Variants in CEP250 observed in about 807,000 individuals in gnomAD.
CEP250 encodes the protein centrosome-associated protein CEP250.
A neutral mutation model predicts 315.7 loss-of-function variants in CEP250; 242 were observed. The observed-to-expected ratio is 0.77, with a 90% CI of 0.69 to 0.85. CEP250 has a LOEUF of 0.85. CEP250 is among the 40% of genes least tolerant of loss of function. The pLI is 0.00. For missense variants in CEP250, 2,515 were observed against 2,886.4 expected (o/e 0.87, Z 2.95); for synonymous variants, 1,088 against 1,175.0 (o/e 0.93, Z 1.51).
intron 17 of CEP250, 83 bp downstream of exon 17, chr20:35,478,184 G>A: frequency 2.2e-6 from 2 of 915,808 alleles, no homozygotes; most frequent in Admixed American, 2.7e-5. Context: ...GAAATTATCT[G>A]GAAAGTGAAA....
intron 20 of CEP250, among the ~76,000 whole-genome samples, chr20:35,486,143 T>G (rs1405996956): frequency 1.3e-5 from 2 of 151,424 alleles, no homozygotes; most frequent in Non-Finnish European, 2.9e-5. Context: ...GCCTCCCAAG[T>G]AGCTGGGATT....
At position 35,503,622 on chromosome 20, in the gene CEP250, C is replaced by G. The variant is rs373046815; in HGVS notation, c.5253C>G (p.Leu1751=). The part of the protein sequence containing the change: ...QQEHIHELQE[L]KDQLEQQLQG... The stretch of plus-strand genomic sequence containing the variant: ...AGCATATCCATGAACTCCAGGAGCT[C>G]AAAGACCAGCTGGAGCAGCAGCTCC... Residue 1751 remains leucine, a synonymous_variant, in exon 30 of 35, where the codon CTC becomes CTG. Coordinates refer to ENST00000397527, the MANE Select transcript of CEP250 (RefSeq NM_007186.6). This position sits in a 1 kb window ranked among gnomAD's most constrained non-coding sequence, Gnocchi z 4.2. 13 of 1,613,932 alleles carry G rather than the reference C, an allele frequency of 8.1e-6. No homozygotes were observed. In the African/African-American group the frequency reaches 1.7e-4, roughly 22 times the overall value.
intron 20 of CEP250, among the ~76,000 whole-genome samples, chr20:35,482,555 T>A (rs224368): frequency 0.64 from 97,339 of 151,210 alleles, 34,067 homozygotes; most frequent in East Asian, 0.8. Context: ...TTTTTTATAT[T>A]TTTTTTTATT....
Position 35,516,915 on chromosome 20 carries a change from G to T in CEP250, c.*5289G>T, listed in dbSNP as rs551060209. 11 of 933,456 alleles carry T rather than the reference G, an allele frequency of 1.2e-5. No individual in the cohort carries two copies. The African/African-American group carries it at 2.0e-4, about 17-fold the overall frequency. The allele number at this position is 933,456 out of a possible 1,614,324, so 57.8% of individuals were successfully genotyped here. A position where few individuals can be genotyped will look rare whatever the true frequency, so the allele number is the denominator to read the frequency against. ...AGGTTAGACCTCTGAGCAGACGGCA[G>T]AAACGTCAGCCACAGGTGAGCATAA... On this transcript the variant is annotated 3_prime_UTR_variant, in exon 35 of 35. Coordinates refer to ENST00000397527, the MANE Select transcript of CEP250 (RefSeq NM_007186.6).
rs1261353881 is a variant in CEP250, at chr20:35,467,324, C to A, written c.620C>A (p.Ala207Asp). The A allele has an allele frequency of 1.2e-6, 2 of 1,613,630 alleles. No homozygotes were observed. Among genetic ancestry groups the A allele is most frequent in the African/African-American group, 1.3e-5 (1 of 74,910 alleles). The change falls in exon 9 of 35, where the codon GCT becomes GAT. Residue 207 changes from alanine to aspartate, a missense_variant. Ala to Asp is a moderately radical substitution (Grantham distance 126). Transcript: ENST00000397527. ...ATDRDLMELK[A>D]EHVRLSGSLL... ...CTCAGAGATCTGATGGAGCTAAAAGCTGAGCATGTGAGGCTTTCAGGGTCT... is the reference window on the plus strand; with the variant it reads ...CTCAGAGATCTGATGGAGCTAAAAGATGAGCATGTGAGGCTTTCAGGGTCT...
intron 20 of CEP250, among the ~76,000 whole-genome samples, chr20:35,481,943 A>G (rs553689898): frequency 6.6e-6 from 1 of 152,024 alleles, no homozygotes; most frequent in Admixed American, 6.6e-5. Context: ...CAAGCGATCC[A>G]CCCGCCCTTG....
rs1448156231 is a variant in CEP250 at position 35,466,125 on chromosome 20, T to A, written c.413T>A (p.Val138Glu). The A allele has an allele frequency of 1.9e-6, 3 of 1,613,744 alleles. No homozygotes were observed. In the East Asian group the frequency reaches 6.7e-5, roughly 36 times the overall value. ...GTGAATAAAGCCCTTAGGGAAGATG[T>A]GGAAAAACTGACAGTGGACTGGAGC... Reference protein sequence around the residue: ...DVVNKALREDVEKLTVDWSRA... With the variant: ...DVVNKALREDEEKLTVDWSRA... The change falls in exon 7 of 35, where the codon GTG becomes GAG. Residue 138 changes from valine (V) to glutamate (E), a missense_variant. Physicochemically the swap from Val to Glu is moderately radical, Grantham distance 121. Transcript: ENST00000397527.
rs1207787419 is a variant in CEP250 at position 35,467,315 on chromosome 20, A to C, written c.611A>C (p.Glu204Ala). Reference sequence around the variant, plus strand: ...TTGCTTGTACTCAGAGATCTGATGGAGCTAAAAGCTGAGCATGTGAGGCTT... The same window carrying C: ...TTGCTTGTACTCAGAGATCTGATGGCGCTAAAAGCTGAGCATGTGAGGCTT... Reference protein sequence around the residue: ...MKSATDRDLMELKAEHVRLSG... With the variant: ...MKSATDRDLMALKAEHVRLSG... Residue 204 changes from glutamate to alanine, a missense_variant, in exon 9 of 35, where the codon GAG becomes GCG. Physicochemically the swap from Glu to Ala is moderately radical, Grantham distance 107 (BLOSUM62 -1). Coordinates refer to ENST00000397527, the MANE Select transcript of CEP250 (RefSeq NM_007186.6). The C allele has an allele frequency of 6.2e-7, 1 of 1,612,834 alleles. No homozygotes were observed. The highest frequency in any genetic ancestry group is 1.1e-5 in the South Asian group (1 of 91,056).
At chr20:35,508,239 G>C (rs1389134667) in intron 32 of CEP250, 49 bp downstream of exon 32, 14 of 1,601,596 alleles carry the variant, frequency 8.7e-6, no homozygotes, top group Non-Finnish European at 1.1e-5. Context: ...TTCTCGTGTG[G>C]TCCCTAGAGC....
Position 35,470,131 on chromosome 20 carries a change from A to G in CEP250, c.948+145A>G, listed in dbSNP as rs1042240624. 6 of 634,640 alleles carry G rather than the reference A, an allele frequency of 9.5e-6. No individual in the cohort carries two copies. The African/African-American group carries it at 1.1e-4, about 12-fold the overall frequency. 39.3% of individuals were successfully genotyped at this position (634,640 alleles called of 1,614,324 possible). ...AAAATAAATTTTGGCTGAATCTGAA[A>G]ATTAATTAACTCATTCATTTATTCA... On this transcript the variant is annotated intron_variant, in intron 10 of 34. Transcript: ENST00000397527.
intron 1 of CEP250, among the ~76,000 whole-genome samples, chr20:35,457,566 T>C (rs1490349114): frequency 6.6e-6 from 1 of 152,018 alleles, no homozygotes; most frequent in Non-Finnish European, 1.5e-5. Context: ...TCTCCCTGTG[T>C]TGCCCAGGCT....
rs1366616554 is a variant in CEP250, at chr20:35,502,595, G to T, written c.4226G>T (p.Gly1409Val). 6.2e-7 allele frequency: 1 copy of T among 1,614,242 alleles called. No individual in the cohort carries two copies. Among genetic ancestry groups the T allele is most frequent in the South Asian group, 1.1e-5 (1 of 91,086 alleles). ...RERAQALQEQGELKVAQGKAL... is the reference protein window; with the variant it reads ...RERAQALQEQVELKVAQGKAL... ...AGAGCCCAGGCTCTGCAAGAGCAGGGCGAACTGAAGGTGGCCCAAGGGAAG... is the reference window on the plus strand; with the variant it reads ...AGAGCCCAGGCTCTGCAAGAGCAGGTCGAACTGAAGGTGGCCCAAGGGAAG... The change falls in exon 30 of 35, where the codon GGC becomes GTC. Residue 1409 changes from glycine (G) to valine (V), a missense_variant. Coordinates refer to ENST00000397527, the MANE Select transcript of CEP250 (RefSeq NM_007186.6).
chr20:35,474,861 T>G, intron 14 of CEP250: 1 of 470,966 alleles, frequency 2.1e-6, no homozygotes, highest in Non-Finnish European at 4.4e-6. Flanking sequence ...TGGTAGGTCT[T>G]TAATAACTGG....
chr20:35,498,064 C>G lies in CEP250; in HGVS notation c.3652C>G (p.Pro1218Ala). The G allele has an allele frequency of 6.4e-7, 1 of 1,559,686 alleles. No homozygotes were observed. The highest frequency in any genetic ancestry group is 8.7e-7 in the Non-Finnish European group (1 of 1,151,148). Residue 1218 changes from proline to alanine, a missense_variant, in exon 26 of 35, where the codon CCA becomes GCA. By Grantham distance (27) the Pro-to-Ala change is conservative. Coordinates refer to ENST00000397527, the MANE Select transcript of CEP250 (RefSeq NM_007186.6). The part of the protein sequence containing the change: ...DSAPSVWGLE[P>A]DQNGARSLFK... ...TGCTCCTTCCGTCTGGGGCCTTGAG[C>G]CAGGTGAGACAGCCTCCCCAGAACT...
chr20:35,501,527 C>G (rs747676115), intron 28 of CEP250, among the ~76,000 whole-genome samples: 1 of 152,074 alleles, frequency 6.6e-6, no homozygotes. Context: ...AAGGAACCTC[C>G]AGTGTCATCT....
At chr20:35,490,959 C>T (rs2063672267) in intron 21 of CEP250, 155 bp downstream of exon 21, 7 of 881,776 alleles carry the variant, frequency 7.9e-6, no homozygotes, top group Non-Finnish European at 1.2e-5. Context: ...TGGTCCGCAC[C>T]ATTAGCCACA....
Position 35,514,223 on chromosome 20 carries a change from C to T in CEP250, c.*2597C>T, listed in dbSNP as rs1358551031. The T allele has an allele frequency of 6.6e-6, 1 of 152,262 alleles. No individual in the cohort carries two copies. Among genetic ancestry groups the T allele is most frequent in the Admixed American group, 6.5e-5 (1 of 15,290 alleles). The allele number at this position is 152,262 out of a possible 1,614,324, so 9.4% of individuals were successfully genotyped here. On this transcript the variant is annotated 3_prime_UTR_variant, in exon 35 of 35. Transcript: ENST00000397527. ...CCTTGTCACATGTGGCAGGGTATAA[C>T]CAGAATGGTGAATCCAGCAGACGGG...
Position 35,484,113 on chromosome 20 carries a change from G to A in CEP250, c.2586+3968G>A, listed in dbSNP as rs557819087. ...GTTGTTTCTGTTGGCTCTTACTCATGGGCTTGTTTCCCTGTGTTTTTGTGA... is the reference window on the plus strand; with the variant it reads ...GTTGTTTCTGTTGGCTCTTACTCATAGGCTTGTTTCCCTGTGTTTTTGTGA... On this transcript the variant is annotated intron_variant, in intron 20 of 34. Coordinates refer to ENST00000397527, the MANE Select transcript of CEP250 (RefSeq NM_007186.6). Among the ~76,000 whole-genome samples the A allele has an allele frequency of 1.6e-4, 25 of 151,806 alleles. No homozygotes were observed. In the South Asian group the frequency reaches 2.9e-3, roughly 18 times the overall value.
chr20:35,458,995 G>A (rs1330543677), intron 2 of CEP250, among the ~76,000 whole-genome samples: 1 of 25,246 alleles, frequency 4.0e-5, no homozygotes, highest in Non-Finnish European at 6.1e-5. Flanking sequence ...TTTTTTTTTT[G>A]AGATGGAGCC....
Sources: allele counts gnomAD v4.1 joint callset (sites outside exome capture counted in the v4.1 genomes callset), GRCh38; gene constraint gnomAD v4.1.1; non-coding constraint Gnocchi (gnomAD v3.1); transcripts MANE v1.5; gene names NCBI Gene and HGNC (gene_info 2026-07-23, HGNC 2026-07-21).